The following XPO6 variants were observed in gnomAD, a reference collection of about 807,000 sequenced individuals.
XPO6 encodes the protein exportin 6.
XPO6 carries 3 observed loss-of-function variants against 130.0 expected under a neutral mutation model. The ratio of observed to expected loss-of-function variants is 0.02; its 90% CI spans 0.01 to 0.06. XPO6 has a LOEUF of 0.06. Among genes scored for constraint, XPO6 ranks in the 10% least tolerant of loss-of-function variants. The probability of loss-of-function intolerance (pLI) is 1.00; values close to 1 mark genes in which losing one functional copy is unlikely to be tolerated. For missense variants in XPO6, 970 were observed against 1,393.0 expected, an observed-to-expected ratio of 0.70 and a Z score of 4.83; for synonymous variants, 524 against 548.9, an observed-to-expected ratio of 0.95 and a Z score of 0.63.
At chr16:28,134,102 A>T (rs1671188958) in intron 10 of XPO6, among the ~76,000 whole-genome samples, 169 bp from the exon 11 acceptor site, 1 of 152,350 alleles carries the variant, frequency 6.6e-6, no homozygotes, top group East Asian at 1.9e-4. Flanking sequence ...CAATGAATTA[A>T]TTTCACAAAA....
At chr16:28,124,621 T>G (rs181467883) in intron 13 of XPO6, among the ~76,000 whole-genome samples, 1 of 152,336 alleles carries the variant, frequency 6.6e-6, no homozygotes, top group Non-Finnish European at 1.5e-5. Context: ...CTCACATCAC[T>G]GAGCCACAAT....
chr16:28,163,988 T>C (rs1289292186), intron 6 of XPO6, among the ~76,000 whole-genome samples: 3 of 152,198 alleles, frequency 2.0e-5, no homozygotes, highest in African/African-American at 7.2e-5. Flanking sequence ...GGGGGAACTA[T>C]GCTGAGAAAT....
chr16:28,107,773 C>G, intron 17 of XPO6, 96 bp from the exon 18 acceptor site: 1 of 1,361,642 alleles, frequency 7.3e-7, no homozygotes, highest in Middle Eastern at 1.8e-4. Flanking sequence ...GCAAAGGTAC[C>G]AAGAAGATGA....
intron 4 of XPO6, among the ~76,000 whole-genome samples, chr16:28,172,776 C>T (rs926977998): frequency 2.0e-5 from 3 of 151,892 alleles, no homozygotes; most frequent in Non-Finnish European, 4.4e-5. Context: ...AGACTGCAAA[C>T]ACAACATGAG....
intron 23 of XPO6, 120 bp from the exon 24 acceptor site, chr16:28,098,759 A>T: frequency 1.5e-6 from 1 of 655,742 alleles, no homozygotes; most frequent in Non-Finnish European, 2.5e-6. Context: ...TCTAAAACTC[A>T]AAACTTCTAT....
chr16:28,117,990 C>T (rs1276134143), intron 14 of XPO6, among the ~76,000 whole-genome samples: 1 of 152,178 alleles, frequency 6.6e-6, no homozygotes, highest in Admixed American at 6.5e-5. Flanking sequence ...CTGACTGCAT[C>T]GTACATGCAA....
chr16:28,114,441 G>A (rs984437008), intron 15 of XPO6, among the ~76,000 whole-genome samples: 1 of 152,148 alleles, frequency 6.6e-6, no homozygotes, highest in African/African-American at 2.4e-5. Flanking sequence ...ATAACGCAAG[G>A]CACACTAATT....
Position 28,106,218 on chromosome 16 carries a change from C to A in XPO6, c.2613-4G>T. The A allele has an allele frequency of 6.2e-7, 1 of 1,613,942 alleles. No homozygotes were observed. The highest frequency in any genetic ancestry group is 1.1e-5 in the South Asian group (1 of 91,068). Reference sequence around the variant, plus strand: ...GATGCTCTCGGCTAACTGCTCTCTACAGAGGAGAAAGCCACACAGTGAGCA... The same window carrying A: ...GATGCTCTCGGCTAACTGCTCTCTAAAGAGGAGAAAGCCACACAGTGAGCA... On this transcript the variant is annotated splice_polypyrimidine_tract_variant and splice_region_variant and intron_variant, in intron 19 of 23. Coordinates refer to ENST00000304658, the MANE Select transcript of XPO6 (RefSeq NM_015171.4). The surrounding 1 kb of genome is among the most constrained non-coding windows in gnomAD (Gnocchi z 4.2).
intron 8 of XPO6, among the ~76,000 whole-genome samples, chr16:28,148,329 G>A (rs1275460924): frequency 6.6e-6 from 1 of 152,200 alleles, no homozygotes; most frequent in African/African-American, 2.4e-5. Context: ...AGGCCCCACT[G>A]CGAGGGCTTG....
chr16:28,154,398 T>A (rs2043149011), intron 7 of XPO6: 2 of 650,874 alleles, frequency 3.1e-6, no homozygotes, highest in Admixed American at 6.3e-5. Context: ...CCTCATTTTC[T>A]TTCCCTTGCC....
chr16:28,156,581 C>T (rs2043187425), intron 6 of XPO6, 54 bp from the exon 7 acceptor site: 2 of 1,372,120 alleles, frequency 1.5e-6, no homozygotes, highest in African/African-American at 2.9e-5. Context: ...TTACAAATGA[C>T]TTTAAGTAAT....
Position 28,204,193 on chromosome 16 carries a change from T to A in XPO6, c.3+7173A>T, listed in dbSNP as rs566404379. On this transcript the variant is annotated intron_variant, in intron 1 of 23. Transcript: ENST00000304658. The stretch of plus-strand genomic sequence containing the variant: ...GAACAAAAGAGAGATTCCCTAGCTT[T>A]ATGGAGCTAACATTTTAGCAGGAGA... 2.6e-5 allele frequency among the ~76,000 whole-genome samples: 4 copies of A among 152,150 alleles called. 1 individual carries two copies. In the South Asian group the frequency reaches 8.3e-4, roughly 32 times the overall value.
chr16:28,187,439 G>A (rs1327156684), intron 1 of XPO6, among the ~76,000 whole-genome samples: 3 of 152,060 alleles, frequency 2.0e-5, no homozygotes, highest in Non-Finnish European at 4.4e-5. Context: ...GGTTCCCCAA[G>A]TTTGAATCCA....
chr16:28,116,706 C>A (rs2087069453), intron 15 of XPO6, among the ~76,000 whole-genome samples: 2 of 152,316 alleles, frequency 1.3e-5, no homozygotes, highest in Admixed American at 6.5e-5. Flanking sequence ...AGAACACACA[C>A]ATTTATCAAT....
intron 1 of XPO6, among the ~76,000 whole-genome samples, chr16:28,184,850 G>A (rs1238686478): frequency 3.3e-5 from 5 of 152,114 alleles, no homozygotes; most frequent in African/African-American, 4.8e-5. Context: ...AGTATACACT[G>A]GTACAACCAC....
chr16:28,139,527 T>C (rs1034711869), intron 9 of XPO6, among the ~76,000 whole-genome samples: 10 of 152,162 alleles, frequency 6.6e-5, no homozygotes, highest in Non-Finnish European at 1.3e-4. Flanking sequence ...TTCTTTCTTC[T>C]TAAGAGCTAT....
chr16:28,187,467 T>C (rs1249312781), intron 1 of XPO6, among the ~76,000 whole-genome samples: 1 of 152,050 alleles, frequency 6.6e-6, no homozygotes, highest in African/African-American at 2.4e-5. Context: ...AGCTTGACCT[T>C]GGCCTAGTTA....
intron 1 of XPO6, among the ~76,000 whole-genome samples, chr16:28,186,393 C>CTTTTTTTTTTTTTTTTTTTTTTAA (rs1596952535): frequency 2.4e-4 from 1 of 4,240 alleles, no homozygotes; most frequent in African/African-American, 1.3e-3. Flanking sequence ...TTTTTTTTTG[C>CTTTTTTTTTTTTTTTTTTTTTTAA]TAAAGACATG....
At chr16:28,171,251 G>A (rs796103710) in intron 4 of XPO6, among the ~76,000 whole-genome samples, 1 of 151,646 alleles carries the variant, frequency 6.6e-6, no homozygotes. Context: ...TCAGCAGTTC[G>A]AGACCAACCT....
Sources: allele counts gnomAD v4.1 joint callset (sites outside exome capture counted in the v4.1 genomes callset), GRCh38; gene constraint gnomAD v4.1.1; non-coding constraint Gnocchi (gnomAD v3.1); transcripts MANE v1.5; gene names NCBI Gene and HGNC (gene_info 2026-07-23, HGNC 2026-07-21).